The following CACNA1A variants were observed in gnomAD, a reference collection of about 807,000 sequenced individuals.
CACNA1A encodes calcium voltage-gated channel subunit alpha1 A, also known as voltage-dependent P/Q-type calcium channel subunit alpha-1A.
In CACNA1A, 57 loss-of-function variants were observed where a neutral mutation model predicts 262.4. That is an observed-to-expected ratio of 0.22 (90% CI 0.18 to 0.27). CACNA1A has a LOEUF of 0.27. CACNA1A is among the 10% of genes least tolerant of loss of function. The pLI is 1.00. For synonymous variants in CACNA1A, 1,431 were observed against 1,419.3 expected (o/e 1.01, Z -0.18); for missense variants, 2,526 against 3,562.8 (o/e 0.71, Z 7.41).
intron 22 of CACNA1A, among the ~76,000 whole-genome samples, chr19:13,281,868 G>A (rs2057300412): frequency 6.6e-6 from 1 of 152,200 alleles, no homozygotes; most frequent in Non-Finnish European, 1.5e-5. Context: ...GGCCTGGTCT[G>A]AGCACTGCCT....
chr19:13,215,815 C>T (rs963087012), intron 38 of CACNA1A, among the ~76,000 whole-genome samples: 5 of 152,106 alleles, frequency 3.3e-5, no homozygotes, highest in Admixed American at 6.6e-5. Context: ...AAGTAACGTG[C>T]GTGCAGCCTT....
intron 18 of CACNA1A, among the ~76,000 whole-genome samples, chr19:13,299,929 G>A (rs1037973091): frequency 3.9e-5 from 6 of 152,164 alleles, no homozygotes; most frequent in Non-Finnish European, 5.9e-5. Flanking sequence ...TTCTTAAAAG[G>A]AGCACGCAAC....
chr19:13,301,036 C>T (rs2057777495), intron 17 of CACNA1A, among the ~76,000 whole-genome samples: 1 of 152,124 alleles, frequency 6.6e-6, no homozygotes, highest in African/African-American at 2.4e-5. Flanking sequence ...TAACCTTGAA[C>T]TCCTGGGCTC....
At chr19:13,481,404 T>A (rs1375333310) in intron 1 of CACNA1A, among the ~76,000 whole-genome samples, 1 of 152,204 alleles carries the variant, frequency 6.6e-6, no homozygotes, top group Non-Finnish European at 1.5e-5. Context: ...GCTGGTCAGC[T>A]GCCAGAGGCA....
At chr19:13,300,491 C>T (rs2057765634) in intron 18 of CACNA1A, 59 bp downstream of exon 18, 1 of 1,214,480 alleles carries the variant, frequency 8.2e-7, no homozygotes, top group Non-Finnish European at 1.2e-6. Flanking sequence ...AAATCTGTGC[C>T]TGGGATAGTG....
At chr19:13,482,830 C>T (rs1163287275) in intron 1 of CACNA1A, among the ~76,000 whole-genome samples, 1 of 151,246 alleles carries the variant, frequency 6.6e-6, no homozygotes, top group South Asian at 2.1e-4. Flanking sequence ...CTTTCTCTCC[C>T]CCCTTCTTTC....
intron 3 of CACNA1A, among the ~76,000 whole-genome samples, chr19:13,374,696 A>G (rs2059376458): frequency 6.6e-6 from 1 of 152,230 alleles, no homozygotes; most frequent in Admixed American, 6.5e-5. Context: ...AAAAGCTGTC[A>G]GGGCATGAAC....
At chr19:13,311,239 A>C (rs1478289742) in intron 12 of CACNA1A, among the ~76,000 whole-genome samples, 1 of 152,034 alleles carries the variant, frequency 6.6e-6, no homozygotes, top group Non-Finnish European at 1.5e-5. Context: ...ACAGGTGTGC[A>C]CCACCACACC....
rs577110171 is a variant in CACNA1A at position 13,344,539 on chromosome 19, G to A, written c.979-8630C>T. Among the ~76,000 whole-genome samples the A allele has an allele frequency of 2.0e-5, 3 of 152,158 alleles. No individual in the cohort carries two copies. The East Asian group carries it at 5.8e-4, about 29-fold the overall frequency. ...AGACATCTCATTCTCTTCCCAGCAC[G>A]TTCCACTGTCTGAATCATCTTGTCA... On this transcript the variant is annotated intron_variant, in intron 6 of 46. Transcript: ENST00000360228.
intron 15 of CACNA1A, among the ~76,000 whole-genome samples, chr19:13,306,181 G>A (rs2057899505): frequency 6.6e-6 from 1 of 152,098 alleles, no homozygotes; most frequent in African/African-American, 2.4e-5. Flanking sequence ...AGGAGAGAGT[G>A]AAGTCACATT....
chr19:13,466,560 C>T (rs976242293), intron 1 of CACNA1A, among the ~76,000 whole-genome samples: 1 of 151,998 alleles, frequency 6.6e-6, no homozygotes, highest in Non-Finnish European at 1.5e-5. Context: ...AGACTGGTCT[C>T]GAACTCCTGA....
At chr19:13,208,101 A>C in intron 46 of CACNA1A, 48 bp from the exon 47 acceptor site, 2 of 1,179,422 alleles carry the variant, frequency 1.7e-6, no homozygotes, top group Non-Finnish European at 2.1e-6. Context: ...GATACAACAA[A>C]ATCAAAGGAG....
intron 1 of CACNA1A, among the ~76,000 whole-genome samples, chr19:13,497,344 GCAAA>G (rs1296870929): frequency 3.4e-5 from 5 of 149,232 alleles, no homozygotes; most frequent in African/African-American, 9.9e-5. Context: ...GTTCATAACA[GCAAA>G]CAAACAAACA....
At chr19:13,411,678 TTCTC>T (rs1162432089) in intron 3 of CACNA1A, among the ~76,000 whole-genome samples, 2 of 148,288 alleles carry the variant, frequency 1.3e-5, no homozygotes, top group Admixed American at 6.7e-5. Context: ...CTCTCTCTCT[TTCTC>T]TCTCTTTCTC....
intron 6 of CACNA1A, among the ~76,000 whole-genome samples, chr19:13,354,877 T>TC (rs1568565124): frequency 1.2e-5 from 1 of 85,054 alleles, no homozygotes; most frequent in Non-Finnish European, 2.6e-5. Context: ...TTCTTTTTTT[T>TC]TTTTTTTTTT....
chr19:13,281,051 CAT>C (rs1223516832), intron 22 of CACNA1A, among the ~76,000 whole-genome samples: 1 of 151,018 alleles, frequency 6.6e-6, no homozygotes, highest in African/African-American at 2.4e-5. Flanking sequence ...GAAGAGCAAA[CAT>C]AAATTCAGTT....
chr19:13,459,557 A>G (rs908376004), intron 1 of CACNA1A, among the ~76,000 whole-genome samples: 4 of 152,180 alleles, frequency 2.6e-5, no homozygotes, highest in African/African-American at 9.7e-5. Flanking sequence ...CCAGAGAACA[A>G]AGCTGGGCTG....
chr19:13,499,451 G>GGT (rs1555795935), intron 1 of CACNA1A, among the ~76,000 whole-genome samples: 1 of 113,924 alleles, frequency 8.8e-6, no homozygotes, highest in African/African-American at 3.3e-5. Flanking sequence ...AGGGGGTGGT[G>GGT]GGGGGGGGCA....
Position 13,332,956 on chromosome 19 carries a change from T to C in CACNA1A, c.1199-31A>G, listed in dbSNP as rs16008. 0.78 allele frequency: 1,236,143 copies of C among 1,578,308 alleles called. 487,581 individuals carry two copies. Among genetic ancestry groups the C allele is most frequent in the East Asian group, 1 (44,564 of 44,582 alleles). On this transcript the variant is annotated intron_variant, in intron 8 of 46. Coordinates refer to ENST00000360228, the MANE Select transcript of CACNA1A (RefSeq NM_001127222.2). ...GAGGAAGAGCACAGAGTTAAGCTCCTGCATTTGGAGGATGAGTTCTCCCTT... is the reference window on the plus strand; with the variant it reads ...GAGGAAGAGCACAGAGTTAAGCTCCCGCATTTGGAGGATGAGTTCTCCCTT...
Sources: allele counts gnomAD v4.1 joint callset (sites outside exome capture counted in the v4.1 genomes callset), GRCh38; gene constraint gnomAD v4.1.1; transcripts MANE v1.5; gene names NCBI Gene and HGNC (gene_info 2026-07-23, HGNC 2026-07-21).